Variants in SLC16A9 observed in about 807,000 individuals in gnomAD.
SLC16A9 encodes solute carrier family 16 member 9.
In SLC16A9, 26 loss-of-function variants were observed where a neutral mutation model predicts 44.3. The observed-to-expected ratio is 0.59, with a 90% CI of 0.43 to 0.81. The LOEUF (loss-of-function observed/expected upper bound fraction) is 0.81, where lower values mean the gene tolerates loss of function less well. SLC16A9 is among the 40% of genes least tolerant of loss of function. The pLI is 0.00. For synonymous variants in SLC16A9, 230 were observed against 225.1 expected (o/e 1.02, Z -0.19); for missense variants, 559 against 595.8 (o/e 0.94, Z 0.64).
intron 1 of SLC16A9, among the ~76,000 whole-genome samples, chr10:59,701,159 C>T (rs1212427534): frequency 6.6e-6 from 1 of 152,154 alleles, no homozygotes; most frequent in African/African-American, 2.4e-5. Flanking sequence ...AGCACAAAGC[C>T]TCCACTTCAT....
chr10:59,681,729 GTAT>G (rs1310474956), intron 2 of SLC16A9, among the ~76,000 whole-genome samples: 11 of 5,710 alleles, frequency 1.9e-3, no homozygotes, highest in African/African-American at 2.7e-3. Context: ...TGATGTATAT[GTAT>G]ATGTATATGA....
chr10:59,654,056 A>T lies in SLC16A9; in HGVS notation c.970T>A (p.Ser324Thr). Reference sequence around the variant, plus strand: ...CTTGCTACATCTTCCATAAGTAATGAAGGTGGAAACCCTCCGATGTCAAAG... The same window carrying T: ...CTTGCTACATCTTCCATAAGTAATGTAGGTGGAAACCCTCCGATGTCAAAG... Reference protein sequence around the residue: ...LLFDIGGFPPSLLMEDVARSS... With the variant: ...LLFDIGGFPPTLLMEDVARSS... The change falls in exon 5 of 6, where the codon TCA becomes ACA. Residue 324 changes from serine to threonine, a missense_variant. Coordinates refer to ENST00000395348, the MANE Select transcript of SLC16A9 (RefSeq NM_194298.3). The T allele has an allele frequency of 6.2e-7, 1 of 1,614,084 alleles. No homozygotes were observed. The highest frequency in any genetic ancestry group is 8.5e-7 in the Non-Finnish European group (1 of 1,180,026).
intron 2 of SLC16A9, among the ~76,000 whole-genome samples, chr10:59,677,063 T>TGACACACACACA (rs1839875396): frequency 6.7e-6 from 1 of 149,122 alleles, no homozygotes; most frequent in Non-Finnish European, 1.5e-5. Flanking sequence ...AATAGGAACT[T>TGACACACACACA]CACACACACA....
At chr10:59,667,833 T>C (rs945815382) in intron 3 of SLC16A9, among the ~76,000 whole-genome samples, 1 of 152,206 alleles carries the variant, frequency 6.6e-6, no homozygotes, top group African/African-American at 2.4e-5. Context: ...GCATCAGTAT[T>C]AGTAAGGCAT....
intron 4 of SLC16A9, among the ~76,000 whole-genome samples, chr10:59,663,035 G>A (rs1305888041): frequency 6.6e-6 from 1 of 152,092 alleles, no homozygotes; most frequent in Non-Finnish European, 1.5e-5. Flanking sequence ...CAACCCAAAC[G>A]TCCATCAATG....
intron 4 of SLC16A9, among the ~76,000 whole-genome samples, chr10:59,657,789 A>G (rs1255648126): frequency 2.0e-5 from 3 of 152,122 alleles, no homozygotes; most frequent in African/African-American, 4.8e-5. Context: ...CAATAACCCA[A>G]TGTGATGGGT....
chr10:59,665,972 T>A (rs376626382), intron 3 of SLC16A9, among the ~76,000 whole-genome samples: 1 of 152,146 alleles, frequency 6.6e-6, no homozygotes, highest in Non-Finnish European at 1.5e-5. Flanking sequence ...AGCAGAAATC[T>A]GAAACACATT....
At chr10:59,665,259 G>A (rs569841872) in intron 3 of SLC16A9, among the ~76,000 whole-genome samples, 1 of 152,184 alleles carries the variant, frequency 6.6e-6, no homozygotes, top group African/African-American at 2.4e-5. Context: ...TGTTCTTGAG[G>A]ATCACTCTAA....
intron 1 of SLC16A9, among the ~76,000 whole-genome samples, chr10:59,705,253 A>G (rs1010229695): frequency 3.9e-5 from 6 of 152,050 alleles, no homozygotes; most frequent in African/African-American, 1.5e-4. Flanking sequence ...GATGAAAATT[A>G]AGATGCAAAG....
intron 4 of SLC16A9, among the ~76,000 whole-genome samples, chr10:59,655,163 G>A (rs1159207420): frequency 3.3e-5 from 5 of 152,034 alleles, no homozygotes; most frequent in South Asian, 2.1e-4. Flanking sequence ...GGTGACACAC[G>A]CCTGTAGTCC....
At chr10:59,688,873 C>T (rs556022276) in intron 1 of SLC16A9, among the ~76,000 whole-genome samples, 22 of 151,692 alleles carry the variant, frequency 1.5e-4, no homozygotes, top group African/African-American at 3.4e-4. Flanking sequence ...TGGGAGGTTG[C>T]GGGCAATGGG....
chr10:59,707,326 AGGGAAGGGAGGGGAAGGGAG>A (rs1564716893), intron 1 of SLC16A9, among the ~76,000 whole-genome samples: 4 of 85,152 alleles, frequency 4.7e-5, no homozygotes, highest in African/African-American at 1.9e-4. Context: ...AGGGAAGGGA[AGGGAAGGGAGGGGAAGGGAG>A]GGGAAGGGAA....
At chr10:59,706,630 T>TACACAC (rs60450481) in intron 1 of SLC16A9, among the ~76,000 whole-genome samples, 1,539 of 146,008 alleles carry the variant, frequency 0.011, 14 homozygotes, top group Non-Finnish European at 0.015. Flanking sequence ...AGAAATGTGA[T>TACACAC]ACACACACAC....
intron 4 of SLC16A9, among the ~76,000 whole-genome samples, chr10:59,662,315 G>T (rs1839493522): frequency 6.6e-6 from 1 of 151,422 alleles, no homozygotes; most frequent in Non-Finnish European, 1.5e-5. Flanking sequence ...TCAAAAAGTG[G>T]TGAAGGATAT....
chr10:59,664,674 ATG>A (rs1444770088), intron 3 of SLC16A9, among the ~76,000 whole-genome samples: 1 of 152,198 alleles, frequency 6.6e-6, no homozygotes, highest in Admixed American at 6.5e-5. Context: ...TTAGAGATCT[ATG>A]CCTCTTCCAA....
intron 1 of SLC16A9, among the ~76,000 whole-genome samples, chr10:59,698,874 A>T (rs988517338): frequency 6.6e-6 from 1 of 151,898 alleles, no homozygotes; most frequent in Non-Finnish European, 1.5e-5. Flanking sequence ...AGTAGCTGGG[A>T]TTACAGGCAT....
intron 2 of SLC16A9, among the ~76,000 whole-genome samples, chr10:59,678,438 C>T (rs868775090): frequency 2.6e-5 from 4 of 151,762 alleles, no homozygotes; most frequent in Middle Eastern, 3.4e-3. Context: ...CTCATATACC[C>T]TGACTGCCTT....
At chr10:59,659,317 A>G (rs893094485) in intron 4 of SLC16A9, among the ~76,000 whole-genome samples, 3 of 152,292 alleles carry the variant, frequency 2.0e-5, no homozygotes, top group Admixed American at 6.5e-5. Flanking sequence ...AGGTGGAGAC[A>G]TGATCAGCAT....
intron 1 of SLC16A9, among the ~76,000 whole-genome samples, chr10:59,691,264 T>A (rs1184831139): frequency 6.6e-6 from 1 of 152,200 alleles, no homozygotes; most frequent in African/African-American, 2.4e-5. Flanking sequence ...TATTTGAGAA[T>A]TTGGAATCTC....
Sources: allele counts gnomAD v4.1 joint callset (sites outside exome capture counted in the v4.1 genomes callset), GRCh38; gene constraint gnomAD v4.1.1; transcripts MANE v1.5; gene names NCBI Gene and HGNC (gene_info 2026-07-23, HGNC 2026-07-21).